The following THRAP3 variants were observed in gnomAD, a reference collection of about 807,000 sequenced individuals.
The protein encoded by THRAP3 is thyroid hormone receptor associated protein 3.
A neutral mutation model predicts 101.0 loss-of-function variants in THRAP3; 16 were observed. The ratio of observed to expected loss-of-function variants is 0.16; its 90% CI spans 0.11 to 0.24. THRAP3 has a LOEUF of 0.24. Among genes scored for constraint, THRAP3 ranks in the 10% least tolerant of loss-of-function variants. The pLI, the probability that THRAP3 is intolerant of heterozygous loss-of-function variation, is 1.00. For synonymous variants in THRAP3, 407 were observed against 422.6 expected (o/e 0.96, Z 0.45); for missense variants, 989 against 1,202.7 (o/e 0.82, Z 2.63).
At chr1:36,248,187 TC>T (rs1378478918) in intron 1 of THRAP3, among the ~76,000 whole-genome samples, 2 of 152,120 alleles carry the variant, frequency 1.3e-5, no homozygotes, top group Non-Finnish European at 1.5e-5. Context: ...GCCTCCTTCA[TC>T]TTTTAATATT....
At position 36,270,059 on chromosome 1, in the gene THRAP3, T is replaced by C. The variant is rs148351993; in HGVS notation, c.-32+10575T>C. On this transcript the variant is annotated intron_variant, in intron 2 of 11. Transcript: ENST00000354618. ...CACTTGGGTTCCCTATACTGTTCTT[T>C]CTACTTTTGTGTATGTTTGAATCAA... 7.7e-4 allele frequency among the ~76,000 whole-genome samples: 117 copies of C among 152,302 alleles called. 1 individual carries two copies. Among genetic ancestry groups the C allele is most frequent in the African/African-American group, 2.6e-3 (110 of 41,560 alleles).
chr1:36,282,764 A>G (rs1168678446), intron 3 of THRAP3, 64 bp downstream of exon 3: 4 of 1,589,776 alleles, frequency 2.5e-6, no homozygotes, highest in Middle Eastern at 1.7e-4. Context: ...ATGTTTGAAG[A>G]TCTTTTGTTA....
At position 36,304,558 on chromosome 1, in the gene THRAP3, A is replaced by G. The variant is rs1377002959; in HGVS notation, c.*541A>G. 1 of 223,628 alleles carries G rather than the reference A, an allele frequency of 4.5e-6. No homozygotes were observed. Among genetic ancestry groups the G allele is most frequent in the African/African-American group, 2.2e-5 (1 of 44,568 alleles). 13.9% of individuals were successfully genotyped at this position (223,628 alleles called of 1,614,324 possible). ...ACAAAAGCATGTGAATAAACTTTGA[A>G]GTGTTCACCTCAGTTTGGGACCAAA... On this transcript the variant is annotated 3_prime_UTR_variant, in exon 12 of 12. Transcript: ENST00000354618.
At chr1:36,289,975 A>G (rs1380915055) in intron 5 of THRAP3, among the ~76,000 whole-genome samples, 1 of 152,012 alleles carries the variant, frequency 6.6e-6, no homozygotes, top group Non-Finnish European at 1.5e-5. Flanking sequence ...GTGATGAAGT[A>G]TCTCTTCAGT....
intron 1 of THRAP3, among the ~76,000 whole-genome samples, chr1:36,251,476 G>A (rs1460811396): frequency 6.6e-6 from 1 of 152,182 alleles, no homozygotes; most frequent in African/African-American, 2.4e-5. Context: ...GAGACCTTGA[G>A]GCACAGAATG....
intron 9 of THRAP3, among the ~76,000 whole-genome samples, chr1:36,297,399 G>A (rs1200471323): frequency 6.6e-6 from 1 of 150,890 alleles, no homozygotes; most frequent in Non-Finnish European, 1.5e-5. Flanking sequence ...ATACCTTCTG[G>A]TAAGAAGCAA....
intron 2 of THRAP3, among the ~76,000 whole-genome samples, chr1:36,262,099 T>G (rs569176385): frequency 1.3e-5 from 2 of 152,284 alleles, no homozygotes; most frequent in Admixed American, 1.3e-4. Context: ...ACAGATGAAA[T>G]AAATTTGAAC....
chr1:36,292,311 G>T (rs1303929641), intron 6 of THRAP3, among the ~76,000 whole-genome samples: 1 of 101,236 alleles, frequency 9.9e-6, no homozygotes, highest in Non-Finnish European at 1.8e-5. Context: ...TTGCTCTGTT[G>T]CCCAGGCTGG....
intron 2 of THRAP3, among the ~76,000 whole-genome samples, chr1:36,277,158 A>G (rs1262843271): frequency 6.6e-6 from 1 of 151,744 alleles, no homozygotes; most frequent in African/African-American, 2.4e-5. Flanking sequence ...TAGTAGAGAT[A>G]GGGTTTCACC....
intron 1 of THRAP3, among the ~76,000 whole-genome samples, chr1:36,236,867 A>T (rs573014836): frequency 2.0e-4 from 31 of 152,218 alleles, no homozygotes; most frequent in African/African-American, 7.5e-4. Flanking sequence ...CATATATATA[A>T]CTTTGAGTTT....
At chr1:36,296,945 A>G (rs1645960011) in intron 9 of THRAP3, among the ~76,000 whole-genome samples, 175 bp downstream of exon 9, 1 of 152,194 alleles carries the variant, frequency 6.6e-6, no homozygotes, top group Non-Finnish European at 1.5e-5. Flanking sequence ...AACAATTTCT[A>G]CATCAAAATA....
Position 36,286,348 on chromosome 1 carries a change from C to G in THRAP3, c.138-20C>G. Reference sequence around the variant, plus strand: ...TTGTGTCAAAAATTCAAACATTTGTCTCTTTCCTTTCCATTCCAGTTCTAG... The same window carrying G: ...TTGTGTCAAAAATTCAAACATTTGTGTCTTTCCTTTCCATTCCAGTTCTAG... On this transcript the variant is annotated intron_variant, in intron 3 of 11. Coordinates refer to ENST00000354618, the MANE Select transcript of THRAP3 (RefSeq NM_005119.4). This position sits in a 1 kb window ranked among gnomAD's most constrained non-coding sequence, Gnocchi z 5.5. 6.5e-7 allele frequency: 1 copy of G among 1,545,298 alleles called. No homozygotes were observed. Among genetic ancestry groups the G allele is most frequent in the East Asian group, 2.3e-5 (1 of 44,134 alleles).
chr1:36,239,200 G>A (rs956330196), intron 1 of THRAP3, among the ~76,000 whole-genome samples: 1 of 150,216 alleles, frequency 6.7e-6, no homozygotes, highest in Non-Finnish European at 1.5e-5. Context: ...CACCATGCCC[G>A]GCCGTGTTTT....
chr1:36,215,239 A>G, the THRAP3 span, among the ~76,000 whole-genome samples: 1 of 151,904 alleles, frequency 6.6e-6, no homozygotes, highest in Non-Finnish European at 1.5e-5. Context: ...AAAACAAAAC[A>G]AAAAAAACCT....
chr1:36,289,695 C>A lies in THRAP3; in HGVS notation c.1676C>A (p.Ser559Tyr), dbSNP rs760100496. 6.2e-7 allele frequency: 1 copy of A among 1,614,060 alleles called. No individual in the cohort carries two copies. Among genetic ancestry groups the A allele is most frequent in the South Asian group, 1.1e-5 (1 of 91,050 alleles). ...AAAGGAGATTTTCCCACAGGAAAGT[C>A]TTCCTTTTCCATTACTCGAGAGGCA... The part of the protein sequence containing the change: ...GAKGDFPTGK[S>Y]SFSITREAQV... The change falls in exon 5 of 12, where the codon TCT (serine) becomes TAT (tyrosine). Residue 559 changes from serine (S) to tyrosine (Y), a missense_variant. Coordinates refer to ENST00000354618, the MANE Select transcript of THRAP3 (RefSeq NM_005119.4).
chr1:36,233,360 G>A (rs1338883702), intron 1 of THRAP3, among the ~76,000 whole-genome samples: 7 of 151,770 alleles, frequency 4.6e-5, no homozygotes, highest in African/African-American at 1.7e-4. Flanking sequence ...AAAAAAATTA[G>A]CCAGGCATGC....
At chr1:36,234,748 G>T (rs1015156401) in intron 1 of THRAP3, among the ~76,000 whole-genome samples, 4 of 142,770 alleles carry the variant, frequency 2.8e-5, no homozygotes, top group Admixed American at 1.4e-4. Flanking sequence ...TGAATGCTTT[G>T]TCTTATTCAT....
chr1:36,218,372 A>G, the THRAP3 span, among the ~76,000 whole-genome samples: 12,005 of 144,440 alleles, frequency 0.083, 706 homozygotes, highest in Middle Eastern at 0.22. Context: ...CAGAGATCAC[A>G]TCACTGCACT....
At chr1:36,250,505 A>G (rs529493348) in intron 1 of THRAP3, among the ~76,000 whole-genome samples, 1 of 152,158 alleles carries the variant, frequency 6.6e-6, no homozygotes, top group Admixed American at 6.5e-5. Flanking sequence ...ATATTCTTAT[A>G]ATCAGAGATT....
Sources: gnomAD v4.1 joint callset for allele counts (sites outside exome capture counted in the v4.1 genomes callset) on GRCh38, gnomAD v4.1.1 for gene constraint, Gnocchi (gnomAD v3.1) non-coding constraint, MANE v1.5 for transcripts, NCBI Gene and HGNC (gene_info 2026-07-23, HGNC 2026-07-21) for gene names.